Variants in FYN observed in about 807,000 individuals in gnomAD.
FYN encodes the protein FYN proto-oncogene, Src family tyrosine kinase.
A neutral mutation model predicts 70.2 loss-of-function variants in FYN; 10 were observed. The observed-to-expected ratio is 0.14, with a 90% confidence interval of 0.09 to 0.24. The LOEUF (loss-of-function observed/expected upper bound fraction) is 0.24, where lower values mean the gene tolerates loss of function less well. Among genes scored for constraint, FYN ranks in the 10% least tolerant of loss-of-function variants. The pLI is 1.00. For synonymous variants in FYN, 236 were observed against 248.6 expected, an observed-to-expected ratio of 0.95 and a Z score of 0.48; for missense variants, 319 against 673.1, an observed-to-expected ratio of 0.47 and a Z score of 5.82.
chr6:111,758,671 GC>G (rs943901242), intron 3 of FYN, among the ~76,000 whole-genome samples: 1 of 152,196 alleles, frequency 6.6e-6, no homozygotes, highest in African/African-American at 2.4e-5. Context: ...ATGGCTCAGT[GC>G]CCCCAGGAGA....
At chr6:111,670,670 A>G (rs949853690) in intron 13 of FYN, among the ~76,000 whole-genome samples, 1 of 151,636 alleles carries the variant, frequency 6.6e-6, no homozygotes, top group Non-Finnish European at 1.5e-5. Flanking sequence ...CTGAAAGGCA[A>G]AGGGAAGCCG....
At chr6:111,680,261 G>A (rs528900541) in intron 12 of FYN, among the ~76,000 whole-genome samples, 6 of 152,310 alleles carry the variant, frequency 3.9e-5, no homozygotes, top group South Asian at 4.1e-4. Context: ...CACTGCACTC[G>A]GTGCCAGGAG....
Position 111,694,315 on chromosome 6 carries a change from G to A in FYN, c.1273+60C>T, listed in dbSNP as rs1474094435. ...GGAAGGGAAGGAGGAAGGAAGGGCT[G>A]TGCAGTAAGTGACTGTTCTCACAGC... On this transcript the variant is annotated intron_variant, in intron 12 of 13. Transcript: ENST00000354650. This position sits in a 1 kb window ranked among gnomAD's most constrained non-coding sequence, Gnocchi z 5.0. The A allele has an allele frequency of 1.9e-6, 3 of 1,584,926 alleles. No homozygotes were observed. The African/African-American group carries it at 4.0e-5, about 21-fold the overall frequency.
At chr6:111,720,609 T>C (rs1311969575) in intron 3 of FYN, among the ~76,000 whole-genome samples, 1 of 152,126 alleles carries the variant, frequency 6.6e-6, no homozygotes, top group Non-Finnish European at 1.5e-5. Flanking sequence ...TTTTAAGCAC[T>C]AAGATGATGC....
intron 1 of FYN, among the ~76,000 whole-genome samples, chr6:111,857,871 T>C (rs570058247): frequency 5.3e-5 from 8 of 152,278 alleles, no homozygotes; most frequent in South Asian, 4.1e-4. Context: ...GGGGAGAGGA[T>C]TGAGTCTAGG....
chr6:111,829,525 C>A (rs1772947391), intron 2 of FYN, among the ~76,000 whole-genome samples: 1 of 152,210 alleles, frequency 6.6e-6, no homozygotes, highest in East Asian at 1.9e-4. Flanking sequence ...TTGTTAAGCA[C>A]AGAACAGACA....
chr6:111,778,715 C>T (rs921691261), intron 3 of FYN, among the ~76,000 whole-genome samples: 12 of 151,846 alleles, frequency 7.9e-5, no homozygotes, highest in Non-Finnish European at 1.2e-4. Flanking sequence ...AGGATGGTCT[C>T]GATCTCCTGA....
intron 1 of FYN, among the ~76,000 whole-genome samples, chr6:111,870,014 T>G (rs960931891): frequency 2.0e-5 from 3 of 152,252 alleles, no homozygotes; most frequent in African/African-American, 7.2e-5. Flanking sequence ...ATAAGTTTCT[T>G]GAGGGCAGTG....
chr6:111,858,926 A>C (rs1773891237), intron 1 of FYN, among the ~76,000 whole-genome samples: 1 of 151,782 alleles, frequency 6.6e-6, no homozygotes, highest in Non-Finnish European at 1.5e-5. Flanking sequence ...TTATATTTGA[A>C]CCAAGGGCAA....
intron 3 of FYN, among the ~76,000 whole-genome samples, chr6:111,736,623 C>A (rs1801721363): frequency 6.6e-6 from 1 of 152,114 alleles, no homozygotes; most frequent in South Asian, 2.1e-4. Context: ...ATGAAATAAG[C>A]CCAGGAAACA....
rs898629280 is a variant in FYN at position 111,661,446 on chromosome 6, G to A, written c.*293C>T. On this transcript the variant is annotated 3_prime_UTR_variant, in exon 14 of 14. Transcript: ENST00000354650. The surrounding 1 kb of genome is among the most constrained non-coding windows in gnomAD (Gnocchi z 4.0). ...GGAAAGCACTAGGATTGTTGGCACT[G>A]GAGTAACTATTTACACTGAACAGAG... 9 of 279,924 alleles carry A rather than the reference G, an allele frequency of 3.2e-5. No homozygotes were observed. The highest frequency in any genetic ancestry group is 1.7e-4 in the African/African-American group (8 of 46,300). 17.3% of individuals were successfully genotyped at this position (279,924 alleles called of 1,614,324 possible). A position where few individuals can be genotyped will look rare whatever the true frequency, so the allele number is the denominator to read the frequency against.
At chr6:111,804,025 C>T (rs1313146353) in intron 2 of FYN, among the ~76,000 whole-genome samples, 7 of 152,110 alleles carry the variant, frequency 4.6e-5, no homozygotes, top group Non-Finnish European at 7.3e-5. Flanking sequence ...TAATTGACTG[C>T]GGGGATGAGA....
intron 3 of FYN, among the ~76,000 whole-genome samples, chr6:111,762,368 G>A (rs1426666760): frequency 1.3e-5 from 2 of 152,122 alleles, no homozygotes; most frequent in African/African-American, 2.4e-5. Flanking sequence ...TGACTAAGTG[G>A]ACCCTCCTCT....
At chr6:111,810,347 G>C (rs889163394) in intron 2 of FYN, among the ~76,000 whole-genome samples, 6 of 152,136 alleles carry the variant, frequency 3.9e-5, no homozygotes, top group African/African-American at 1.4e-4. Flanking sequence ...GAGTATCCCA[G>C]GGCCATCCAG....
At chr6:111,783,231 G>A (rs934432817) in intron 2 of FYN, among the ~76,000 whole-genome samples, 1 of 152,098 alleles carries the variant, frequency 6.6e-6, no homozygotes, top group Non-Finnish European at 1.5e-5. Flanking sequence ...TAAGGGCATT[G>A]TGACCATTTG....
chr6:111,702,935 G>C lies in FYN; in HGVS notation c.647C>G (p.Thr216Ser), dbSNP rs776054256. Residue 216 changes from threonine to serine, a missense_variant, in exon 8 of 14, where the codon ACC becomes AGC. Coordinates refer to ENST00000354650, the MANE Select transcript of FYN (RefSeq NM_002037.5). ...RKLDNGGYYITTRAQFETLQQ... is the reference protein window; with the variant it reads ...RKLDNGGYYISTRAQFETLQQ... Reference sequence around the variant, plus strand: ...AAGTGTTTCAAACTGGGCCCGGGTGGTAATGTAGTATCCACCATTGTCAAG... The same window carrying C: ...AAGTGTTTCAAACTGGGCCCGGGTGCTAATGTAGTATCCACCATTGTCAAG... 1.2e-6 allele frequency: 2 copies of C among 1,614,130 alleles called. No individual in the cohort carries two copies. Among genetic ancestry groups the C allele is most frequent in the Non-Finnish European group, 1.7e-6 (2 of 1,179,994 alleles).
In FYN at chr6:111,699,757, C is replaced by G. The variant is rs550905720; in HGVS notation, c.862+347G>C. The G allele has an allele frequency of 5.2e-5, 66 of 1,271,948 alleles. 1 individual carries two copies. In the African/African-American group the frequency reaches 7.2e-4, roughly 14 times the overall value. The allele number at this position is 1,271,948 out of a possible 1,614,324, so 78.8% of individuals were successfully genotyped here. ...TAGGAAAGATGGAAGGTGACTTGCC[C>G]GTTAGGATGACACTCAACAAATATT... On this transcript the variant is annotated intron_variant, in intron 9 of 13. Transcript: ENST00000354650.
At chr6:111,752,500 T>C (rs1483777731) in intron 3 of FYN, among the ~76,000 whole-genome samples, 2 of 152,188 alleles carry the variant, frequency 1.3e-5, no homozygotes, top group Non-Finnish European at 2.9e-5. Context: ...CATTTTGTTG[T>C]TTGAGAAAGA....
chr6:111,797,504 C>G (rs1193135813), intron 2 of FYN, among the ~76,000 whole-genome samples: 3 of 151,194 alleles, frequency 2.0e-5, no homozygotes, highest in African/African-American at 7.3e-5. Flanking sequence ...TTTATAATCT[C>G]AAATATGAGA....
Sources: gnomAD v4.1 joint callset for allele counts (sites outside exome capture counted in the v4.1 genomes callset) on GRCh38, gnomAD v4.1.1 for gene constraint, Gnocchi (gnomAD v3.1) non-coding constraint, MANE v1.5 for transcripts, NCBI Gene and HGNC (gene_info 2026-07-23, HGNC 2026-07-21) for gene names.